Variants in HEMK2 observed in about 807,000 individuals in gnomAD.
HEMK2 encodes the protein methyltransferase HEMK2.
At chr21:28,643,245 C>T in the HEMK2 span, among the ~76,000 whole-genome samples, 1 of 152,136 alleles carries the variant, frequency 6.6e-6, no homozygotes, top group African/African-American at 2.4e-5. Context: ...AAATCTTCAC[C>T]CTTAAGGTGA....
the HEMK2 span, among the ~76,000 whole-genome samples, chr21:28,608,678 C>T: frequency 6.6e-6 from 1 of 152,150 alleles, no homozygotes; most frequent in African/African-American, 2.4e-5. Context: ...CCATGCTCGC[C>T]GGCTGCCTGG....
the HEMK2 span, among the ~76,000 whole-genome samples, chr21:28,589,091 A>T: frequency 7.2e-5 from 11 of 152,130 alleles, no homozygotes; most frequent in African/African-American, 1.9e-4. Context: ...AATTTCATTT[A>T]TGTAAACTTA....
the HEMK2 span, among the ~76,000 whole-genome samples, chr21:28,685,192 G>C: frequency 6.6e-6 from 1 of 152,108 alleles, no homozygotes; most frequent in Non-Finnish European, 1.5e-5. Context: ...GCTCTTAGGG[G>C]CTACCTCTAT....
At chr21:28,723,432 G>A in the HEMK2 span, among the ~76,000 whole-genome samples, 31,104 of 152,042 alleles carry the variant, frequency 0.2, 3,418 homozygotes, top group Middle Eastern at 0.32. Flanking sequence ...TTGCTGAACC[G>A]CATCACCAGC....
At chr21:28,730,207 C>CT in the HEMK2 span, among the ~76,000 whole-genome samples, 1 of 122,154 alleles carries the variant, frequency 8.2e-6, no homozygotes, top group African/African-American at 4.1e-5. Flanking sequence ...GTGAGACCCC[C>CT]ATTGCCACAA....
At chr21:28,695,283 T>C in the HEMK2 span, among the ~76,000 whole-genome samples, 4 of 152,148 alleles carry the variant, frequency 2.6e-5, no homozygotes, top group African/African-American at 9.7e-5. Context: ...CATGTTGAAA[T>C]CTGATCCCCA....
the HEMK2 span, among the ~76,000 whole-genome samples, chr21:28,802,111 G>A: frequency 6.6e-6 from 1 of 152,070 alleles, no homozygotes; most frequent in Non-Finnish European, 1.5e-5. Flanking sequence ...CAAAAGAGTA[G>A]GAATACATAA....
the HEMK2 span, among the ~76,000 whole-genome samples, chr21:28,835,909 C>T: frequency 6.6e-6 from 1 of 151,500 alleles, no homozygotes; most frequent in Admixed American, 6.6e-5. Flanking sequence ...ATGACATGGT[C>T]GTCAAATTAA....
the HEMK2 span, among the ~76,000 whole-genome samples, chr21:28,606,128 A>T: frequency 6.6e-6 from 1 of 152,186 alleles, no homozygotes; most frequent in Admixed American, 6.5e-5. Context: ...CAAATCAAAG[A>T]CAAATTTTGA....
the HEMK2 span, among the ~76,000 whole-genome samples, chr21:28,622,177 C>A: frequency 6.6e-6 from 1 of 152,156 alleles, no homozygotes; most frequent in Non-Finnish European, 1.5e-5. Flanking sequence ...CATTCCTATA[C>A]ACCAATTACA....
the HEMK2 span, among the ~76,000 whole-genome samples, chr21:28,840,719 G>C: frequency 6.6e-6 from 1 of 151,896 alleles, no homozygotes; most frequent in Non-Finnish European, 1.5e-5. Flanking sequence ...AATGGATGCA[G>C]TGAACAGGGA....
the HEMK2 span, among the ~76,000 whole-genome samples, chr21:28,800,161 T>C: frequency 6.6e-6 from 1 of 152,216 alleles, no homozygotes; most frequent in African/African-American, 2.4e-5. Context: ...ACTGTCACCA[T>C]GACTGAGTTA....
the HEMK2 span, among the ~76,000 whole-genome samples, chr21:28,636,500 C>T: frequency 6.6e-6 from 1 of 152,022 alleles, no homozygotes. Flanking sequence ...TTTACTTTTG[C>T]CTCCATTTCA....
chr21:28,658,998 A>T, the HEMK2 span, among the ~76,000 whole-genome samples: 1 of 152,100 alleles, frequency 6.6e-6, no homozygotes, highest in Non-Finnish European at 1.5e-5. Context: ...ATAATCTCAA[A>T]CATTTGCTGC....
chr21:28,742,003 G>C, the HEMK2 span, among the ~76,000 whole-genome samples: 8,758 of 152,198 alleles, frequency 0.058, 349 homozygotes, highest in Middle Eastern at 0.11. Context: ...TTCTTTACAG[G>C]GAAAGCAAGC....
the HEMK2 span, among the ~76,000 whole-genome samples, chr21:28,597,729 G>A: frequency 6.6e-6 from 1 of 152,130 alleles, no homozygotes; most frequent in South Asian, 2.1e-4. Flanking sequence ...GACCTGATAA[G>A]GATTTTAGGC....
At chr21:28,768,211 G>A in the HEMK2 span, among the ~76,000 whole-genome samples, 3 of 152,120 alleles carry the variant, frequency 2.0e-5, no homozygotes, top group Non-Finnish European at 4.4e-5. Flanking sequence ...CACGCATCAT[G>A]CCATGGAGAC....
chr21:28,703,380 G>A, the HEMK2 span, among the ~76,000 whole-genome samples: 1 of 152,122 alleles, frequency 6.6e-6, no homozygotes, highest in African/African-American at 2.4e-5. Context: ...GACAGATGGG[G>A]AGGGGATGCA....
At chr21:28,693,158 A>T in the HEMK2 span, among the ~76,000 whole-genome samples, 1 of 152,214 alleles carries the variant, frequency 6.6e-6, no homozygotes, top group African/African-American at 2.4e-5. Flanking sequence ...GTAATGAATT[A>T]TGTCTCCAGT....
Sources: gnomAD v4.1 joint callset for allele counts (sites outside exome capture counted in the v4.1 genomes callset) on GRCh38, gnomAD v4.1.1 for gene constraint, MANE v1.5 for transcripts, NCBI Gene and HGNC (gene_info 2026-07-23, HGNC 2026-07-21) for gene names.